Variants in EYS observed in about 807,000 individuals in gnomAD.
EYS encodes the protein protein eyes shut homolog.
A neutral mutation model predicts 282.1 loss-of-function variants in EYS; 250 were observed. That is an observed-to-expected ratio of 0.89 (90% CI 0.80 to 0.98). The LOEUF (loss-of-function observed/expected upper bound fraction) is 0.98. Ranked by LOEUF, EYS falls within the 50% of genes least tolerant of loss-of-function variation. The probability of loss-of-function intolerance (pLI) is 0.00; values close to 1 mark genes in which losing one functional copy is unlikely to be tolerated. For synonymous variants in EYS, 1,355 were observed against 1,282.9 expected (o/e 1.06, Z -1.20); for missense variants, 4,016 against 3,709.0 (o/e 1.08, Z -2.15).
chr6:64,656,299 T>C (rs1201942926), intron 22 of EYS, among the ~76,000 whole-genome samples: 1 of 152,132 alleles, frequency 6.6e-6, no homozygotes, highest in Admixed American at 6.6e-5. Context: ...CCATACCTGT[T>C]CTTTTGAGAG....
intron 31 of EYS, among the ~76,000 whole-genome samples, chr6:64,135,229 AAAAC>A (rs1774120427): frequency 6.6e-6 from 1 of 152,030 alleles, no homozygotes; most frequent in African/African-American, 2.4e-5. Flanking sequence ...TTTTAACAGA[AAAAC>A]AAAGTTAGAC....
rs143059528 is a variant in EYS, at chr6:65,642,040, TA to T, written c.-447-2149del. Among the ~76,000 whole-genome samples the T allele has an allele frequency of 1.0e-2, 1,520 of 152,286 alleles. 17 individuals carry two copies. The highest frequency in any genetic ancestry group is 0.024 in the Middle Eastern group (7 of 294). The stretch of plus-strand genomic sequence containing the variant: ...ATCACACTAGATTGTAAAGTCCTTA[TA>T]AAAAATAGATTTGCTTATTTTATCC... On this transcript the variant is annotated intron_variant, in intron 1 of 42. Coordinates refer to ENST00000503581, the MANE Select transcript of EYS (RefSeq NM_001142800.2).
intron 28 of EYS, among the ~76,000 whole-genome samples, chr6:64,426,215 G>C (rs548645022): frequency 6.6e-6 from 1 of 152,326 alleles, no homozygotes; most frequent in African/African-American, 2.4e-5. Context: ...AGGTCGTATA[G>C]AGTGACCATT....
intron 18 of EYS, among the ~76,000 whole-genome samples, chr6:64,893,163 C>T (rs915368375): frequency 3.3e-5 from 5 of 152,024 alleles, no homozygotes; most frequent in Admixed American, 3.3e-4. Context: ...CATGGGATAA[C>T]ATATGCTATC....
chr6:64,598,624 A>T (rs1185655580), intron 24 of EYS, among the ~76,000 whole-genome samples: 1 of 152,238 alleles, frequency 6.6e-6, no homozygotes, highest in East Asian at 1.9e-4. Flanking sequence ...GAATATGGTC[A>T]TCTGCTTTCT....
chr6:65,430,385 C>G (rs1767838063), intron 5 of EYS, among the ~76,000 whole-genome samples: 1 of 152,170 alleles, frequency 6.6e-6, no homozygotes. Context: ...TCCCAGCAGT[C>G]CTGACTTGAG....
chr6:63,919,867 C>T (rs1002703313), intron 35 of EYS, among the ~76,000 whole-genome samples: 1 of 152,274 alleles, frequency 6.6e-6, no homozygotes, highest in Admixed American at 6.5e-5. Context: ...CAAGACTGTA[C>T]AGTCCGACTG....
At position 64,959,152 on chromosome 6, in the gene EYS, T is replaced by C. The variant is rs1313191996; in HGVS notation, c.2260-13238A>G. ...GGCAGGTGAGAAGGGAGTAGAACAA[T>C]GTAAGAATACTTAGAAAAAATGTGA... On this transcript the variant is annotated intron_variant, in intron 14 of 42. Coordinates refer to ENST00000503581, the MANE Select transcript of EYS (RefSeq NM_001142800.2). Among the ~76,000 whole-genome samples, 5 of 152,262 alleles carry C rather than the reference T, an allele frequency of 3.3e-5. No homozygotes were observed. The East Asian group carries it at 9.7e-4, about 29-fold the overall frequency.
chr6:64,797,267 G>T (rs1392354927), intron 22 of EYS, among the ~76,000 whole-genome samples: 1 of 151,868 alleles, frequency 6.6e-6, no homozygotes, highest in Non-Finnish European at 1.5e-5. Context: ...TAAGAGGTAA[G>T]GCAGAAGAAT....
intron 2 of EYS, among the ~76,000 whole-genome samples, chr6:65,506,446 T>A (rs1023367783): frequency 4.7e-5 from 7 of 147,916 alleles, no homozygotes; most frequent in Non-Finnish European, 9.0e-5. Context: ...GTTTACAATA[T>A]CCTTCCTTCC....
intron 26 of EYS, among the ~76,000 whole-genome samples, chr6:64,541,163 C>G (rs1764685828): frequency 6.6e-6 from 1 of 152,148 alleles, no homozygotes; most frequent in Non-Finnish European, 1.5e-5. Flanking sequence ...TGGCCTTGAC[C>G]AAGGCTATGA....
intron 28 of EYS, among the ~76,000 whole-genome samples, chr6:64,390,330 C>G (rs1466413390): frequency 6.6e-6 from 1 of 152,158 alleles, no homozygotes; most frequent in Non-Finnish European, 1.5e-5. Flanking sequence ...AGGGCACGGA[C>G]AAACAAAAAG....
chr6:65,285,252 T>G (rs1768329085), intron 12 of EYS, among the ~76,000 whole-genome samples: 1 of 152,052 alleles, frequency 6.6e-6, no homozygotes, highest in Non-Finnish European at 1.5e-5. Flanking sequence ...GCAATTGTAT[T>G]TTGCAGCTAT....
At chr6:63,834,630 G>A (rs531291766) in intron 36 of EYS, among the ~76,000 whole-genome samples, 1 of 147,154 alleles carries the variant, frequency 6.8e-6, no homozygotes, top group Non-Finnish European at 1.5e-5. Flanking sequence ...TTAGCCTTGT[G>A]GAAGACACTG....
intron 11 of EYS, among the ~76,000 whole-genome samples, chr6:65,334,749 T>C (rs910052782): frequency 7.9e-5 from 12 of 151,826 alleles, no homozygotes; most frequent in Admixed American, 2.0e-4. Flanking sequence ...GTTATTTCTA[T>C]ACAGATATAT....
intron 28 of EYS, among the ~76,000 whole-genome samples, chr6:64,413,158 G>A (rs1274558326): frequency 6.6e-6 from 1 of 152,070 alleles, no homozygotes; most frequent in Non-Finnish European, 1.5e-5. Context: ...CCTTAAAGGA[G>A]ATTAGATATT....
At chr6:65,251,901 C>T (rs551429773) in intron 12 of EYS, among the ~76,000 whole-genome samples, 1 of 151,874 alleles carries the variant, frequency 6.6e-6, no homozygotes, top group South Asian at 2.1e-4. Flanking sequence ...TTGTTTTTCT[C>T]TCTTTTTCTT....
At chr6:65,425,462 G>C (rs1360313408) in intron 5 of EYS, among the ~76,000 whole-genome samples, 3 of 152,104 alleles carry the variant, frequency 2.0e-5, no homozygotes, top group Non-Finnish European at 4.4e-5. Context: ...AATAGACTCA[G>C]ATTGCAAAGA....
chr6:65,532,839 ACTT>A lies in EYS; in HGVS notation c.-332-36849_-332-36847del, dbSNP rs549503086. Among the ~76,000 whole-genome samples, 7 of 152,268 alleles carry A rather than the reference ACTT, an allele frequency of 4.6e-5. No individual in the cohort carries two copies. In the South Asian group the frequency reaches 1.4e-3, roughly 32 times the overall value. Reference sequence around the variant, plus strand: ...AGATAAACTAAAGGGTATAATCTCTACTTCTGCTTTCTGAAGTTTCCACTTTTA... The same window carrying A: ...AGATAAACTAAAGGGTATAATCTCTACTGCTTTCTGAAGTTTCCACTTTTA... On this transcript the variant is annotated intron_variant, in intron 2 of 42. Coordinates refer to ENST00000503581, the MANE Select transcript of EYS (RefSeq NM_001142800.2).
Sources: allele counts gnomAD v4.1 joint callset (sites outside exome capture counted in the v4.1 genomes callset), GRCh38; gene constraint gnomAD v4.1.1; transcripts MANE v1.5; gene names NCBI Gene and HGNC (gene_info 2026-07-23, HGNC 2026-07-21).